Variants in GYPC observed in about 807,000 individuals in gnomAD.
The protein encoded by GYPC is glycophorin-C.
GYPC carries 14 observed loss-of-function variants against 12.6 expected under a neutral mutation model. The observed-to-expected ratio is 1.11, with a 90% confidence interval of 0.74 to 1.74. GYPC has a LOEUF of 1.74. Ranked by LOEUF, GYPC falls within the 40% of genes most tolerant of loss-of-function variation. The pLI is 0.00. For missense variants in GYPC, 225 were observed against 172.1 expected (o/e 1.31, Z -1.72); for synonymous variants, 78 against 62.1 (o/e 1.26, Z -1.20).
chr2:126,688,685 T>C (rs1484813097), intron 1 of GYPC, among the ~76,000 whole-genome samples: 3 of 152,128 alleles, frequency 2.0e-5, no homozygotes, highest in Non-Finnish European at 2.9e-5. Context: ...AGCTCCTTGG[T>C]GGCCCCAGAC....
intron 3 of GYPC, among the ~76,000 whole-genome samples, chr2:126,695,060 G>T (rs1683599696): frequency 6.6e-6 from 1 of 152,156 alleles, no homozygotes; most frequent in Non-Finnish European, 1.5e-5. Flanking sequence ...TGCTCCTCCA[G>T]CAGATTCGCC....
chr2:126,667,649 C>T (rs999347660), intron 1 of GYPC, among the ~76,000 whole-genome samples: 7 of 151,878 alleles, frequency 4.6e-5, no homozygotes, highest in Non-Finnish European at 8.8e-5. Flanking sequence ...GTGATCCGCC[C>T]GCCTTGGCCT....
intron 1 of GYPC, among the ~76,000 whole-genome samples, chr2:126,681,822 A>G: frequency 6.6e-6 from 1 of 151,956 alleles, no homozygotes; most frequent in Non-Finnish European, 1.5e-5. Context: ...GAAAAGAAAG[A>G]AAAGCTACAT....
At chr2:126,665,405 G>T (rs1682650060) in intron 1 of GYPC, among the ~76,000 whole-genome samples, 1 of 152,200 alleles carries the variant, frequency 6.6e-6, no homozygotes, top group South Asian at 2.1e-4. Context: ...AAACTATCAT[G>T]TATGTAAGGT....
At chr2:126,687,327 C>G (rs1683319177) in intron 1 of GYPC, among the ~76,000 whole-genome samples, 1 of 152,238 alleles carries the variant, frequency 6.6e-6, no homozygotes, top group Non-Finnish European at 1.5e-5. Context: ...GAATCAGAAT[C>G]TACTATAGTA....
chr2:126,682,181 G>T (rs1683166960), intron 1 of GYPC, among the ~76,000 whole-genome samples: 1 of 152,208 alleles, frequency 6.6e-6, no homozygotes, highest in South Asian at 2.1e-4. Context: ...CATTTTCTTT[G>T]CCATTTTGGT....
intron 3 of GYPC, among the ~76,000 whole-genome samples, chr2:126,694,382 C>T (rs571078238): frequency 6.6e-6 from 1 of 152,116 alleles, no homozygotes; most frequent in Non-Finnish European, 1.5e-5. Context: ...TTGCTTTGAA[C>T]CCTGGGCAAG....
At chr2:126,685,072 A>G (rs890183659) in intron 1 of GYPC, among the ~76,000 whole-genome samples, 6 of 152,228 alleles carry the variant, frequency 3.9e-5, no homozygotes, top group Admixed American at 1.3e-4. Flanking sequence ...CTGAGACCCT[A>G]CAGCCTGTAC....
intron 1 of GYPC, among the ~76,000 whole-genome samples, chr2:126,659,915 A>G (rs1438428513): frequency 6.6e-6 from 1 of 151,002 alleles, no homozygotes; most frequent in Admixed American, 6.6e-5. Flanking sequence ...TCAACCTCCC[A>G]AGTAGCTAGG....
chr2:126,679,290 C>G lies in GYPC; in HGVS notation c.50-10965C>G, dbSNP rs1182288052. On this transcript the variant is annotated intron_variant, in intron 1 of 3. Transcript: ENST00000259254. ...CACATGCAGAGGATGCCAGCTTCAC[C>G]TCTGTGTCTCCAGGACTCTACAAAG... Among the ~76,000 whole-genome samples, 5 of 152,086 alleles carry G rather than the reference C, an allele frequency of 3.3e-5. No individual in the cohort carries two copies. In the East Asian group the frequency reaches 9.6e-4, roughly 29 times the overall value.
chr2:126,680,551 G>A (rs28387169), intron 1 of GYPC: 24,372 of 152,120 alleles, frequency 0.16, 2,545 homozygotes, highest in East Asian at 0.42. Flanking sequence ...TGTGGCCAGC[G>A]GCCCTGTGAT....
chr2:126,693,743 T>G (rs1175241067), intron 2 of GYPC, 121 bp from the exon 3 acceptor site: 1 of 777,846 alleles, frequency 1.3e-6, no homozygotes, highest in Non-Finnish European at 2.4e-6. Flanking sequence ...ACTGCTCCTT[T>G]CCACTTGGAC....
At chr2:126,660,350 C>T (rs1682502156) in intron 1 of GYPC, among the ~76,000 whole-genome samples, 1 of 152,250 alleles carries the variant, frequency 6.6e-6, no homozygotes, top group South Asian at 2.1e-4. Flanking sequence ...CGGGGTGGCC[C>T]TCGAGCCCTC....
chr2:126,659,203 G>A (rs1484769900), intron 1 of GYPC, among the ~76,000 whole-genome samples: 1 of 152,194 alleles, frequency 6.6e-6, no homozygotes, highest in Non-Finnish European at 1.5e-5. Flanking sequence ...CTGTAATTAA[G>A]TGAGACTGAG....
At chr2:126,681,324 T>G (rs1191650594) in intron 1 of GYPC, among the ~76,000 whole-genome samples, 1 of 152,192 alleles carries the variant, frequency 6.6e-6, no homozygotes, top group East Asian at 1.9e-4. Flanking sequence ...CTTCCCTAAC[T>G]GCATAATACT....
chr2:126,695,885 A>G, intron 3 of GYPC, 61 bp from the exon 4 acceptor site: 1 of 1,357,444 alleles, frequency 7.4e-7, no homozygotes, highest in Non-Finnish European at 1.1e-6. Context: ...GGTCTTGACC[A>G]CCATCCCAGG....
chr2:126,669,800 C>A (rs1422171430), intron 1 of GYPC, among the ~76,000 whole-genome samples: 1 of 150,244 alleles, frequency 6.7e-6, no homozygotes, highest in Non-Finnish European at 1.5e-5. Flanking sequence ...CACTTCTGAG[C>A]CTTATTATTA....
chr2:126,659,724 G>T (rs1178681346), intron 1 of GYPC, among the ~76,000 whole-genome samples: 2 of 151,884 alleles, frequency 1.3e-5, no homozygotes, highest in African/African-American at 4.8e-5. Flanking sequence ...GGGCTTTCCT[G>T]GGTCTCCCCT....
Position 126,668,922 on chromosome 2 carries a change from C to T in GYPC, c.49+12610C>T, listed in dbSNP as rs112350179. 8.0e-4 allele frequency among the ~76,000 whole-genome samples: 122 copies of T among 152,292 alleles called. 2 individuals carry two copies. The highest frequency in any genetic ancestry group is 2.7e-3 in the African/African-American group (112 of 41,562). On this transcript the variant is annotated intron_variant, in intron 1 of 3. Transcript: ENST00000259254. The stretch of plus-strand genomic sequence containing the variant: ...TCCTGGTGAGAAATTTCTTATCACA[C>T]GAATTCAGGTTTCGGATCGAATTGC...
Sources: gnomAD v4.1 joint callset for allele counts (sites outside exome capture counted in the v4.1 genomes callset) on GRCh38, gnomAD v4.1.1 for gene constraint, MANE v1.5 for transcripts, NCBI Gene and HGNC (gene_info 2026-07-23, HGNC 2026-07-21) for gene names.